Variants in CCDC91 observed in about 807,000 individuals in gnomAD.
CCDC91 encodes the protein coiled-coil domain containing 91.
CCDC91 carries 48 observed loss-of-function variants against 63.2 expected under a neutral mutation model. The observed-to-expected ratio is 0.76, with a 90% CI of 0.60 to 0.97. The LOEUF is 0.97. Among genes scored for constraint, CCDC91 ranks in the 50% least tolerant of loss-of-function variants. The pLI is 0.00. For missense variants in CCDC91, 500 were observed against 494.6 expected (o/e 1.01, Z -0.10); for synonymous variants, 167 against 165.8 (o/e 1.01, Z -0.06).
Position 28,339,539 on chromosome 12 carries a change from AC to A in CCDC91, c.577-22898del, listed in dbSNP as rs1375771270. ...ATCAAAAATATTTGGGAAAAAAAAA[AC>A]AATAAAAATAATATAGATAAAAAAT... On this transcript the variant is annotated intron_variant, in intron 6 of 12. Coordinates refer to ENST00000536442, the MANE Select transcript of CCDC91 (RefSeq NM_018318.5). 2.0e-5 allele frequency among the ~76,000 whole-genome samples: 3 copies of A among 152,122 alleles called. No individual in the cohort carries two copies. The East Asian group carries it at 5.8e-4, about 29-fold the overall frequency.
chr12:28,393,986 G>A (rs1490751093), intron 8 of CCDC91, among the ~76,000 whole-genome samples: 2 of 152,108 alleles, frequency 1.3e-5, no homozygotes, highest in African/African-American at 4.8e-5. Context: ...TAGTATCTAC[G>A]TTTAACCAAG....
At chr12:28,341,776 G>C (rs544825704) in intron 6 of CCDC91, among the ~76,000 whole-genome samples, 37 of 152,296 alleles carry the variant, frequency 2.4e-4, no homozygotes, top group African/African-American at 8.9e-4. Flanking sequence ...AGGAGGCTGA[G>C]AATGCGTGGC....
At chr12:28,238,990 G>A (rs1324376903) in intron 1 of CCDC91, among the ~76,000 whole-genome samples, 1 of 151,868 alleles carries the variant, frequency 6.6e-6, no homozygotes, top group East Asian at 1.9e-4. Context: ...ATGATGGTGG[G>A]TATCTGTAAT....
intron 6 of CCDC91, among the ~76,000 whole-genome samples, chr12:28,355,243 G>A (rs937629860): frequency 6.6e-6 from 1 of 152,088 alleles, no homozygotes; most frequent in Non-Finnish European, 1.5e-5. Context: ...TGAATCTGAT[G>A]CAAAGTGGAG....
At chr12:28,382,919 G>A (rs1006003930) in intron 7 of CCDC91, among the ~76,000 whole-genome samples, 4 of 151,868 alleles carry the variant, frequency 2.6e-5, no homozygotes, top group African/African-American at 9.7e-5. Flanking sequence ...CAAGTCACAA[G>A]GAATAATGTG....
intron 6 of CCDC91, among the ~76,000 whole-genome samples, chr12:28,353,521 TA>T (rs1943320451): frequency 6.6e-6 from 1 of 152,222 alleles, no homozygotes; most frequent in Non-Finnish European, 1.5e-5. Flanking sequence ...CATATGACTT[TA>T]TCTGTCATTT....
intron 10 of CCDC91, 90 bp from the exon 11 acceptor site, chr12:28,452,388 G>GT (rs1181675108): frequency 4.4e-6 from 4 of 899,004 alleles, no homozygotes; most frequent in African/African-American, 1.7e-5. Context: ...TAGGATCAAA[G>GT]TTTTTTATCT....
At chr12:28,499,250 G>T (rs1952484409) in intron 12 of CCDC91, among the ~76,000 whole-genome samples, 1 of 151,588 alleles carries the variant, frequency 6.6e-6, no homozygotes, top group South Asian at 2.1e-4. Flanking sequence ...CTGAGCCTGA[G>T]CAACTTCTGT....
chr12:28,201,106 G>A (rs9766606), intron 1 of CCDC91, among the ~76,000 whole-genome samples: 33,652 of 141,006 alleles, frequency 0.24, 4,424 homozygotes, highest in Non-Finnish European at 0.29. Flanking sequence ...CCTCCCGGAC[G>A]GGGCGGCTGG....
intron 8 of CCDC91, among the ~76,000 whole-genome samples, chr12:28,418,491 C>T (rs1947811115): frequency 6.6e-6 from 1 of 152,090 alleles, no homozygotes; most frequent in Non-Finnish European, 1.5e-5. Flanking sequence ...ATTTCCTTAT[C>T]TCTTCAAAGA....
At chr12:28,331,293 A>C (rs1267499355) in intron 6 of CCDC91, among the ~76,000 whole-genome samples, 34 of 152,318 alleles carry the variant, frequency 2.2e-4, no homozygotes, top group Admixed American at 1.7e-3. Context: ...AGTTGTCAGT[A>C]ATCTCCTGGA....
chr12:28,195,468 T>C (rs889920376), intron 1 of CCDC91, among the ~76,000 whole-genome samples: 10 of 152,234 alleles, frequency 6.6e-5, no homozygotes, highest in Admixed American at 6.5e-4. Context: ...TTAAATTTCT[T>C]TGGCTTGCCT....
Position 28,389,185 on chromosome 12 carries a change from G to A in CCDC91, c.655-2119G>A, listed in dbSNP as rs531994209. Among the ~76,000 whole-genome samples the A allele has an allele frequency of 8.5e-5, 13 of 152,154 alleles. No homozygotes were observed. In the East Asian group the frequency reaches 2.3e-3, roughly 27 times the overall value. ...TTTGTGTATAGTGGTGAGTCTAACA[G>A]GTCACCAGGGTTGGGGCAACTTTCT... On this transcript the variant is annotated intron_variant, in intron 7 of 12. Coordinates refer to ENST00000536442, the MANE Select transcript of CCDC91 (RefSeq NM_018318.5).
intron 8 of CCDC91, among the ~76,000 whole-genome samples, chr12:28,431,248 A>G (rs1948609467): frequency 6.6e-6 from 1 of 152,130 alleles, no homozygotes; most frequent in Non-Finnish European, 1.5e-5. Context: ...TCTATTAATC[A>G]AGCCTGTTAA....
intron 11 of CCDC91, among the ~76,000 whole-genome samples, chr12:28,457,012 A>G (rs542061180): frequency 6.6e-6 from 1 of 152,282 alleles, no homozygotes; most frequent in African/African-American, 2.4e-5. Flanking sequence ...TTAACTGTAA[A>G]TAGTTTCACA....
At chr12:28,390,198 T>A (rs1312893313) in intron 7 of CCDC91, among the ~76,000 whole-genome samples, 1 of 152,144 alleles carries the variant, frequency 6.6e-6, no homozygotes, top group Non-Finnish European at 1.5e-5. Flanking sequence ...TATTTTTGTC[T>A]CAGCTTTTAA....
At chr12:28,295,920 G>T (rs1424928348) in intron 3 of CCDC91, among the ~76,000 whole-genome samples, 1 of 151,732 alleles carries the variant, frequency 6.6e-6, no homozygotes, top group African/African-American at 2.4e-5. Context: ...AGAGTTAAAA[G>T]AAAAAAGCCT....
At position 28,216,663 on chromosome 12, in the gene CCDC91, TTAAAA is replaced by T. The variant is rs200924527; in HGVS notation, c.-15+26026_-15+26030del. Among the ~76,000 whole-genome samples the T allele has an allele frequency of 1.1e-4, 15 of 142,654 alleles. No individual in the cohort carries two copies. In the East Asian group the frequency reaches 1.9e-3, roughly 18 times the overall value. 93.6% of individuals were successfully genotyped at this position (142,654 alleles called of 152,430 possible). ...ATAGTTATATATTTTTTATTCATTC[TTAAAA>T]TAAGGTAACAGGCAATCGTTGAGAG... is the stretch of plus-strand genomic sequence containing the variant. On this transcript the variant is annotated intron_variant, in intron 1 of 12. Coordinates refer to ENST00000536442, the MANE Select transcript of CCDC91 (RefSeq NM_018318.5).
chr12:28,541,777 T>C (rs769244285), intron 12 of CCDC91, among the ~76,000 whole-genome samples: 6 of 152,052 alleles, frequency 3.9e-5, no homozygotes, highest in Non-Finnish European at 7.4e-5. Context: ...AAACTTTATG[T>C]GGCCTGTTAT....
Sources: gnomAD v4.1 joint callset for allele counts (sites outside exome capture counted in the v4.1 genomes callset) on GRCh38, gnomAD v4.1.1 for gene constraint, MANE v1.5 for transcripts, NCBI Gene and HGNC (gene_info 2026-07-23, HGNC 2026-07-21) for gene names.